The following MSRB3 variants were observed in gnomAD, a reference collection of about 807,000 sequenced individuals.
The protein encoded by MSRB3 is methionine-R-sulfoxide reductase B3.
Under a neutral mutation model 21.0 loss-of-function variants are expected in MSRB3, and 13 were observed. The ratio of observed to expected loss-of-function variants is 0.62; its 90% CI spans 0.40 to 0.98. The LOEUF (loss-of-function observed/expected upper bound fraction) is 0.98. Among genes scored for constraint, MSRB3 ranks in the 50% least tolerant of loss-of-function variants. The probability of loss-of-function intolerance (pLI) is 0.00; values close to 1 mark genes in which losing one functional copy is unlikely to be tolerated. For synonymous variants in MSRB3, 87 were observed against 88.6 expected (o/e 0.98, Z 0.10); for missense variants, 199 against 230.3 (o/e 0.86, Z 0.88).
intron 2 of MSRB3, among the ~76,000 whole-genome samples, chr12:65,312,060 G>T (rs1222032441): frequency 2.0e-5 from 3 of 151,938 alleles, no homozygotes; most frequent in African/African-American, 7.2e-5. Context: ...AAGAACACTG[G>T]ATTAGGAGTT....
chr12:65,286,124 A>G (rs567653940), intron 1 of MSRB3: 3 of 152,336 alleles, frequency 2.0e-5, no homozygotes, highest in Admixed American at 6.5e-5. Context: ...AAATTCTCAT[A>G]TATTTGGAAA....
intron 1 of MSRB3, among the ~76,000 whole-genome samples, chr12:65,292,457 A>G (rs990700784): frequency 3.3e-5 from 5 of 152,072 alleles, no homozygotes; most frequent in Non-Finnish European, 5.9e-5. Context: ...CATCATCATC[A>G]TCATCATTCT....
chr12:65,416,438 C>T (rs753392684), intron 5 of MSRB3, among the ~76,000 whole-genome samples: 10 of 152,184 alleles, frequency 6.6e-5, no homozygotes, highest in African/African-American at 1.4e-4. Context: ...GATGGGAGTA[C>T]GTCTGAAGAA....
chr12:65,423,468 T>C (rs915136894), intron 5 of MSRB3, among the ~76,000 whole-genome samples: 14 of 152,234 alleles, frequency 9.2e-5, no homozygotes, highest in African/African-American at 3.1e-4. Flanking sequence ...AGTTTGATTT[T>C]AGCTGTAAGC....
At chr12:65,335,127 AATAACACC>A (rs1380850479) in intron 4 of MSRB3, among the ~76,000 whole-genome samples, 2 of 152,308 alleles carry the variant, frequency 1.3e-5, no homozygotes, top group African/African-American at 4.8e-5. Context: ...AAATGGGGTA[AATAACACC>A]AAACAGGTGT....
chr12:65,304,979 TGCATGTGGTGGAACTAGAAATATC>T (rs1873561891), intron 1 of MSRB3: 1 of 152,236 alleles, frequency 6.6e-6, no homozygotes, highest in Non-Finnish European at 1.5e-5. Flanking sequence ...CAGTTGAAGT[TGCATGTGGTGGAACTAGAAATATC>T]AAGTCTAGAA....
At chr12:65,460,736 CTTTT>C (rs869050828) in intron 6 of MSRB3, among the ~76,000 whole-genome samples, 2 of 132,958 alleles carry the variant, frequency 1.5e-5, no homozygotes, top group Non-Finnish European at 3.2e-5. Context: ...CTCTTCCTCA[CTTTT>C]TTTTTTTTTT....
At chr12:65,444,492 T>A (rs1037439467) in intron 5 of MSRB3, among the ~76,000 whole-genome samples, 22 of 152,206 alleles carry the variant, frequency 1.4e-4, no homozygotes, top group Non-Finnish European at 1.5e-5. Context: ...ACTAATTTTA[T>A]TGCAAAAATT....
chr12:65,286,196 T>C (rs1209078117), intron 1 of MSRB3: 2 of 152,224 alleles, frequency 1.3e-5, no homozygotes, highest in Non-Finnish European at 2.9e-5. Context: ...GCTTTATGGA[T>C]ACTCTCAGGA....
At chr12:65,445,833 A>T (rs1882591393) in intron 5 of MSRB3, among the ~76,000 whole-genome samples, 1 of 151,738 alleles carries the variant, frequency 6.6e-6, no homozygotes, top group South Asian at 2.1e-4. Context: ...TTTAGTAAAG[A>T]TGGGTTTCAC....
intron 5 of MSRB3, among the ~76,000 whole-genome samples, chr12:65,375,646 C>A (rs1044106912): frequency 6.6e-6 from 1 of 151,952 alleles, no homozygotes. Flanking sequence ...GCCATGTTGC[C>A]CAGGCTAGTC....
intron 5 of MSRB3, among the ~76,000 whole-genome samples, chr12:65,370,075 TA>T (rs1013577025): frequency 5.9e-5 from 9 of 152,166 alleles, no homozygotes; most frequent in African/African-American, 2.2e-4. Context: ...TTAACAAATT[TA>T]CCTAGTTTGG....
At chr12:65,367,114 A>T (rs2136529586) in intron 4 of MSRB3, among the ~76,000 whole-genome samples, 1 of 152,320 alleles carries the variant, frequency 6.6e-6, no homozygotes, top group Non-Finnish European at 1.5e-5. Flanking sequence ...GCAAAGGCAG[A>T]TTGCACTGAT....
At chr12:65,422,008 T>G (rs1881324877) in intron 5 of MSRB3, among the ~76,000 whole-genome samples, 1 of 152,060 alleles carries the variant, frequency 6.6e-6, no homozygotes, top group African/African-American at 2.4e-5. Context: ...ACGACATGCA[T>G]AGGCTCAAAA....
At position 65,421,228 on chromosome 12, in the gene MSRB3, T is replaced by C. The variant is rs557190933; in HGVS notation, c.293-32500T>C. The stretch of plus-strand genomic sequence containing the variant: ...CTCTAATGATCAGCACTATTGACCT[T>C]TTTTTCATGCTTGTTGACCACATAC... On this transcript the variant is annotated intron_variant, in intron 5 of 6. Transcript: ENST00000308259. Among the ~76,000 whole-genome samples, 48 of 150,726 alleles carry C rather than the reference T, an allele frequency of 3.2e-4. No individual in the cohort carries two copies. The South Asian group carries it at 9.9e-3, about 31-fold the overall frequency.
intron 1 of MSRB3, among the ~76,000 whole-genome samples, chr12:65,280,237 C>T (rs1230384490): frequency 6.6e-6 from 1 of 152,146 alleles, no homozygotes; most frequent in Non-Finnish European, 1.5e-5. Flanking sequence ...GCAGTGATAT[C>T]AGTTTCATGT....
At chr12:65,282,656 A>G (rs1178394830) in intron 1 of MSRB3, among the ~76,000 whole-genome samples, 1 of 150,000 alleles carries the variant, frequency 6.7e-6, no homozygotes, top group Non-Finnish European at 1.5e-5. Flanking sequence ...AGTTTGCTTC[A>G]CTGTTTTTTC....
At chr12:65,293,661 T>C (rs1238516948) in intron 1 of MSRB3, among the ~76,000 whole-genome samples, 1 of 152,230 alleles carries the variant, frequency 6.6e-6, no homozygotes, top group African/African-American at 2.4e-5. Context: ...TTGTATAGGA[T>C]CTTCCCCACT....
intron 5 of MSRB3, among the ~76,000 whole-genome samples, chr12:65,445,905 A>G (rs918493514): frequency 3.3e-5 from 5 of 152,108 alleles, no homozygotes; most frequent in Non-Finnish European, 7.4e-5. Flanking sequence ...TCAGCCTCCC[A>G]AAGTGCTGGG....
Sources: gnomAD v4.1 joint callset for allele counts (sites outside exome capture counted in the v4.1 genomes callset) on GRCh38, gnomAD v4.1.1 for gene constraint, MANE v1.5 for transcripts, NCBI Gene and HGNC (gene_info 2026-07-23, HGNC 2026-07-21) for gene names.